Variants in SBF2 observed in about 807,000 individuals in gnomAD.
SBF2 encodes the protein myotubularin-related protein 13.
In SBF2, 112 loss-of-function variants were observed where a neutral mutation model predicts 225.2. That is an observed-to-expected ratio of 0.50 (90% confidence interval 0.43 to 0.58). The LOEUF (loss-of-function observed/expected upper bound fraction) is 0.58, where lower values mean the gene tolerates loss of function less well. Ranked by LOEUF, SBF2 falls within the 20% of genes least tolerant of loss-of-function variation. The probability of loss-of-function intolerance (pLI) is 0.00; values close to 1 mark genes in which losing one functional copy is unlikely to be tolerated. For missense variants in SBF2, 1,996 were observed against 2,206.2 expected (o/e 0.90, Z 1.91); for synonymous variants, 763 against 773.3 (o/e 0.99, Z 0.22).
rs374634194 is a variant in SBF2 at position 10,175,880 on chromosome 11, A to G, written c.141+18022T>C. 2.4e-4 allele frequency among the ~76,000 whole-genome samples: 37 copies of G among 152,126 alleles called. No individual in the cohort carries two copies. The East Asian group carries it at 6.6e-3, about 27-fold the overall frequency. On this transcript the variant is annotated intron_variant, in intron 2 of 39. Coordinates refer to ENST00000256190, the MANE Select transcript of SBF2 (RefSeq NM_030962.4). ...ATCTCACTCAAAACCGCTCAACTAC[A>G]TGGAAACTGAACAACCGGCTCCTGA...
At chr11:9,786,961 G>A (rs34690050) in intron 36 of SBF2, among the ~76,000 whole-genome samples, 33,427 of 152,036 alleles carry the variant, frequency 0.22, 4,226 homozygotes, top group Middle Eastern at 0.37. Flanking sequence ...GCACGATCTC[G>A]GCTCACTCAC....
chr11:10,129,646 A>G (rs1308206178), intron 2 of SBF2, among the ~76,000 whole-genome samples: 1 of 152,206 alleles, frequency 6.6e-6, no homozygotes. Flanking sequence ...TCTTCTGGGA[A>G]GTAAACCAAA....
rs1164868599 is a variant in SBF2 at position 10,272,103 on chromosome 11, G to T, written c.55+21912C>A. ...TCCCGGAAGGGGTTACTTCCAGCTG[G>T]AACACCCACCAGCAGGGCATCCTTG... is the stretch of plus-strand genomic sequence containing the variant. On this transcript the variant is annotated intron_variant, in intron 1 of 39. Transcript: ENST00000256190. The T allele has an allele frequency of 1.4e-5, 16 of 1,141,428 alleles. 5 individuals carry two copies. The highest frequency in any genetic ancestry group is 2.0e-5 in the Non-Finnish European group (16 of 812,984). The allele number at this position is 1,141,428 out of a possible 1,614,324, so 70.7% of individuals were successfully genotyped here.
Position 10,091,199 on chromosome 11 carries a change from C to T in SBF2, c.142-48218G>A, listed in dbSNP as rs892710222. Among the ~76,000 whole-genome samples the T allele has an allele frequency of 2.0e-5, 3 of 152,122 alleles. No homozygotes were observed. In the South Asian group the frequency reaches 6.2e-4, roughly 32 times the overall value. On this transcript the variant is annotated intron_variant, in intron 2 of 39. Transcript: ENST00000256190. ...AAAAACTATATACAATATGAAGCAACATATACAAGGTTCAAAATGAGTGGC... is the reference window on the plus strand; with the variant it reads ...AAAAACTATATACAATATGAAGCAATATATACAAGGTTCAAAATGAGTGGC...
chr11:10,254,485 C>T (rs1167438135), intron 1 of SBF2, among the ~76,000 whole-genome samples: 3 of 151,730 alleles, frequency 2.0e-5, no homozygotes, highest in Non-Finnish European at 2.9e-5. Flanking sequence ...TATATGTGCT[C>T]ACATGTTCAT....
At chr11:10,246,634 T>A (rs1189184237) in intron 1 of SBF2, among the ~76,000 whole-genome samples, 1 of 152,190 alleles carries the variant, frequency 6.6e-6, no homozygotes, top group Admixed American at 6.5e-5. Flanking sequence ...AATTGATATA[T>A]GATAAAAAGA....
chr11:10,300,401 C>G (rs1343626483), intron 1 of SBF2, among the ~76,000 whole-genome samples: 1 of 152,136 alleles, frequency 6.6e-6, no homozygotes, highest in Admixed American at 6.5e-5. Flanking sequence ...CACAGTGGCT[C>G]ATACCTGTAA....
rs1423961749 is a variant in SBF2, at chr11:10,177,166, A to C, written c.141+16736T>G. ...ACTCTTCATGCTAAAAACTCTCAAT[A>C]AATTAGGTATTGATGGGACGTATCT... On this transcript the variant is annotated intron_variant, in intron 2 of 39. Transcript: ENST00000256190. 2.6e-5 allele frequency among the ~76,000 whole-genome samples: 4 copies of C among 152,126 alleles called. No homozygotes were observed. In the East Asian group the frequency reaches 5.8e-4, roughly 22 times the overall value.
In SBF2 at chr11:10,285,929, C is replaced by A. The variant is rs113580272; in HGVS notation, c.55+8086G>T. On this transcript the variant is annotated intron_variant, in intron 1 of 39. Transcript: ENST00000256190. ...AAATACACAAATGGCAACAAGCACC[C>A]GAAAAGGTGTTCAGCATTATTAGTC... Among the ~76,000 whole-genome samples the A allele has an allele frequency of 3.6e-3, 541 of 152,188 alleles. 4 individuals carry two copies. The highest frequency in any genetic ancestry group is 0.012 in the African/African-American group (516 of 41,490).
In SBF2 at chr11:10,042,160, G is replaced by A. The variant is rs868724473; in HGVS notation, c.279+684C>T. ...CATTGTAAGTGCCAAGTGGTAAAAG[G>A]TGGAAGGAATATGGTTTCTATGAGA... On this transcript the variant is annotated intron_variant, in intron 3 of 39. Coordinates refer to ENST00000256190, the MANE Select transcript of SBF2 (RefSeq NM_030962.4). 3.4e-4 allele frequency among the ~76,000 whole-genome samples: 52 copies of A among 152,296 alleles called. 1 individual carries two copies. Among genetic ancestry groups the A allele is most frequent in the African/African-American group, 1.2e-3 (48 of 41,554 alleles).
Position 9,961,744 on chromosome 11 carries a change from C to T in SBF2, c.1860+213G>A. 6 of 483,954 alleles carry T rather than the reference C, an allele frequency of 1.2e-5. No individual in the cohort carries two copies. The South Asian group carries it at 1.7e-4, about 14-fold the overall frequency. The allele number at this position is 483,954 out of a possible 1,614,324, so 30.0% of individuals were successfully genotyped here. A position where few individuals can be genotyped will look rare whatever the true frequency, so the allele number is the denominator to read the frequency against. On this transcript the variant is annotated intron_variant, in intron 16 of 39. Transcript: ENST00000256190. ...TTACAGAACTAGTAAAATAATCTAGCATTTTCAAAGAGAAAACAAAGAAAG... is the reference window on the plus strand; with the variant it reads ...TTACAGAACTAGTAAAATAATCTAGTATTTTCAAAGAGAAAACAAAGAAAG...
chr11:10,118,711 G>C (rs1953284974), intron 2 of SBF2, among the ~76,000 whole-genome samples: 1 of 151,944 alleles, frequency 6.6e-6, no homozygotes, highest in Admixed American at 6.6e-5. Context: ...AATCAGAGAT[G>C]ACATAATTGA....
chr11:10,062,404 C>A (rs772903897), intron 2 of SBF2, among the ~76,000 whole-genome samples: 2 of 152,074 alleles, frequency 1.3e-5, no homozygotes, highest in Admixed American at 6.6e-5. Flanking sequence ...TAAAGAGAAG[C>A]CTACAGACTG....
intron 1 of SBF2, among the ~76,000 whole-genome samples, chr11:10,251,033 A>G (rs1960288318): frequency 6.6e-6 from 1 of 152,214 alleles, no homozygotes; most frequent in South Asian, 2.1e-4. Flanking sequence ...TTATGCCTCC[A>G]TGAACAATAG....
At chr11:9,832,454 G>GGGGGAAGGAACAGA in intron 26 of SBF2, 34 bp from the exon 27 acceptor site, 1 of 1,516,706 alleles carries the variant, frequency 6.6e-7, no homozygotes, top group Non-Finnish European at 9.2e-7. Context: ...GAGAATGATT[G>GGGGGAAGGAACAGA]GGGGAAGGAA....
intron 1 of SBF2, among the ~76,000 whole-genome samples, chr11:10,258,099 CACACACACA>C (rs1455828343): frequency 1.3e-5 from 2 of 150,298 alleles, no homozygotes; most frequent in South Asian, 2.1e-4. Context: ...CACACACACA[CACACACACA>C]CTTTTTTTTT....
At chr11:10,102,040 C>T (rs1424157110) in intron 2 of SBF2, among the ~76,000 whole-genome samples, 3 of 151,944 alleles carry the variant, frequency 2.0e-5, no homozygotes, top group Admixed American at 6.6e-5. Flanking sequence ...CCAGAAGACA[C>T]GTGATTTTAG....
intron 2 of SBF2, among the ~76,000 whole-genome samples, chr11:10,101,151 C>T (rs890140845): frequency 5.3e-5 from 8 of 152,184 alleles, no homozygotes; most frequent in African/African-American, 1.7e-4. Flanking sequence ...TGGTCACATT[C>T]GGTGAGCCCT....
intron 13 of SBF2, among the ~76,000 whole-genome samples, chr11:9,986,249 C>T (rs1178653852): frequency 5.3e-5 from 8 of 152,098 alleles, no homozygotes; most frequent in African/African-American, 1.9e-4. Context: ...AATAATGACA[C>T]AACCTATCAA....
Sources: allele counts gnomAD v4.1 joint callset (sites outside exome capture counted in the v4.1 genomes callset), GRCh38; gene constraint gnomAD v4.1.1; transcripts MANE v1.5; gene names NCBI Gene and HGNC (gene_info 2026-07-23, HGNC 2026-07-21).